Variants in CNTN5 observed in about 807,000 individuals in gnomAD.
CNTN5 encodes contactin 5, also known as contactin-5.
CNTN5 carries 77 observed loss-of-function variants against 129.1 expected under a neutral mutation model. The ratio of observed to expected loss-of-function variants is 0.60; its 90% confidence interval spans 0.50 to 0.72. The LOEUF (loss-of-function observed/expected upper bound fraction) is 0.72. CNTN5 is among the 30% of genes least tolerant of loss of function. CNTN5 has a pLI of 0.00. For missense variants in CNTN5, 1,478 were observed against 1,328.8 expected, an observed-to-expected ratio of 1.11 and a Z score of -1.75; for synonymous variants, 509 against 465.6, an observed-to-expected ratio of 1.09 and a Z score of -1.20.
intron 13 of CNTN5, among the ~76,000 whole-genome samples, chr11:100,190,195 G>T (rs1948435462): frequency 6.6e-6 from 1 of 152,020 alleles, no homozygotes; most frequent in Non-Finnish European, 1.5e-5. Flanking sequence ...CCAATTTTAG[G>T]ATTTTAGGAT....
rs369278749 is a variant in CNTN5, at chr11:100,135,783, G to C, written c.1581-55343G>C. 1.1e-4 allele frequency among the ~76,000 whole-genome samples: 16 copies of C among 152,138 alleles called. No individual in the cohort carries two copies. The East Asian group carries it at 3.1e-3, about 30-fold the overall frequency. ...TATGGCTATGGTCACACCTGTAGTT[G>C]CTGGTATTATTTTGTAATTCTTTCA... On this transcript the variant is annotated intron_variant, in intron 13 of 24. Transcript: ENST00000524871.
At chr11:100,351,657 TAAAA>T (rs60798966) in intron 24 of CNTN5, among the ~76,000 whole-genome samples, 4 of 103,650 alleles carry the variant, frequency 3.9e-5, no homozygotes, top group Non-Finnish European at 8.4e-5. Flanking sequence ...GTAGAGATAG[TAAAA>T]AAAAAAAAAA....
intron 1 of CNTN5, among the ~76,000 whole-genome samples, chr11:99,247,807 C>G (rs1256236327): frequency 6.6e-6 from 1 of 152,080 alleles, no homozygotes; most frequent in Non-Finnish European, 1.5e-5. Context: ...TTTTTTATGG[C>G]TGCATGGTAT....
intron 1 of CNTN5, among the ~76,000 whole-genome samples, chr11:99,204,536 G>C (rs909530084): frequency 6.6e-6 from 1 of 152,096 alleles, no homozygotes; most frequent in African/African-American, 2.4e-5. Context: ...TAGGGAAAAT[G>C]ATAACTTTCT....
chr11:99,349,925 TC>T, intron 2 of CNTN5, among the ~76,000 whole-genome samples: 1 of 152,368 alleles, frequency 6.6e-6, no homozygotes. Flanking sequence ...GTTGTCATTT[TC>T]TTTTCATTTT....
At chr11:99,311,900 G>A (rs1865130408) in intron 1 of CNTN5, among the ~76,000 whole-genome samples, 1 of 152,044 alleles carries the variant, frequency 6.6e-6, no homozygotes, top group East Asian at 1.9e-4. Flanking sequence ...TTACTTTTAG[G>A]CCTGTTTACT....
intron 20 of CNTN5, among the ~76,000 whole-genome samples, chr11:100,304,498 GA>G (rs750749138): frequency 1.3e-4 from 20 of 151,554 alleles, no homozygotes; most frequent in Non-Finnish European, 1.6e-4. Context: ...AGTGAAACAG[GA>G]ATCAAAGGAG....
chr11:99,565,254 G>A lies in CNTN5; in HGVS notation c.55+8985G>A, dbSNP rs75217625. 4.2e-3 allele frequency among the ~76,000 whole-genome samples: 638 copies of A among 152,170 alleles called. 27 individuals are homozygous for A. In the East Asian group the frequency reaches 0.097, roughly 23 times the overall value. On this transcript the variant is annotated intron_variant, in intron 3 of 24. Transcript: ENST00000524871. Reference sequence around the variant, plus strand: ...CTCTCCTCCCAAGGGCACTTTCTGTGGAAGTGCCCTTATCTGACTGAGGAA... The same window carrying A: ...CTCTCCTCCCAAGGGCACTTTCTGTAGAAGTGCCCTTATCTGACTGAGGAA...
At chr11:99,784,799 T>TG (rs1945454639) in intron 3 of CNTN5, among the ~76,000 whole-genome samples, 1 of 144,868 alleles carries the variant, frequency 6.9e-6, no homozygotes, top group South Asian at 2.2e-4. Flanking sequence ...CATTGTGTTT[T>TG]TTTTTTTTTT....
chr11:99,627,207 A>C (rs1261909978), intron 3 of CNTN5, among the ~76,000 whole-genome samples: 1 of 152,154 alleles, frequency 6.6e-6, no homozygotes, highest in Non-Finnish European at 1.5e-5. Flanking sequence ...GTGAATGACT[A>C]GATTCTAGCA....
intron 3 of CNTN5, among the ~76,000 whole-genome samples, chr11:99,671,331 C>T (rs1953035032): frequency 6.6e-6 from 1 of 151,982 alleles, no homozygotes; most frequent in African/African-American, 2.4e-5. Context: ...ATATTTACGA[C>T]AAAAAGAATA....
At chr11:99,490,193 T>A (rs1945980962) in intron 2 of CNTN5, among the ~76,000 whole-genome samples, 1 of 152,170 alleles carries the variant, frequency 6.6e-6, no homozygotes, top group Non-Finnish European at 1.5e-5. Context: ...GTCTTAATAA[T>A]ATTATAAGAA....
intron 3 of CNTN5, among the ~76,000 whole-genome samples, chr11:99,809,216 T>C (rs1377971051): frequency 6.6e-6 from 1 of 152,164 alleles, no homozygotes; most frequent in African/African-American, 2.4e-5. Context: ...AATTCACTTA[T>C]AGCCCCAATT....
chr11:99,784,830 T>C (rs527886740), intron 3 of CNTN5, among the ~76,000 whole-genome samples: 2 of 146,268 alleles, frequency 1.4e-5, no homozygotes, highest in Admixed American at 6.9e-5. Flanking sequence ...GATGGGGTCT[T>C]GCTTTGTTGC....
intron 13 of CNTN5, among the ~76,000 whole-genome samples, chr11:100,087,514 G>A (rs2137970584): frequency 6.6e-6 from 1 of 151,794 alleles, no homozygotes; most frequent in East Asian, 1.9e-4. Flanking sequence ...AAAAACACAA[G>A]CCAATCACCC....
At chr11:99,221,368 A>G (rs1860388608) in intron 1 of CNTN5, among the ~76,000 whole-genome samples, 1 of 151,936 alleles carries the variant, frequency 6.6e-6, no homozygotes, top group South Asian at 2.1e-4. Flanking sequence ...TTTCCTTTAA[A>G]GTCCTATACT....
At chr11:99,687,647 A>G (rs1162475879) in intron 3 of CNTN5, among the ~76,000 whole-genome samples, 1 of 152,188 alleles carries the variant, frequency 6.6e-6, no homozygotes, top group African/African-American at 2.4e-5. Context: ...GGCTTTATGA[A>G]AATGAATACT....
chr11:99,938,668 T>C (rs983822300), intron 7 of CNTN5, among the ~76,000 whole-genome samples: 6 of 152,142 alleles, frequency 3.9e-5, no homozygotes, highest in African/African-American at 7.2e-5. Context: ...CTAAAAGATA[T>C]TCTAAACTAA....
chr11:99,968,514 A>C lies in CNTN5; in HGVS notation c.877+11505A>C, dbSNP rs936328520. On this transcript the variant is annotated intron_variant, in intron 8 of 24. Coordinates refer to ENST00000524871, the MANE Select transcript of CNTN5 (RefSeq NM_014361.4). ...AGGTAATTTGTCTGAGACAAAGCAC[A>C]GAGAGAATGGATCTCATGTTGTCCT... 2.6e-5 allele frequency among the ~76,000 whole-genome samples: 4 copies of C among 152,046 alleles called. No homozygotes were observed. The East Asian group carries it at 7.7e-4, about 29-fold the overall frequency.
Sources: gnomAD v4.1 joint callset for allele counts (sites outside exome capture counted in the v4.1 genomes callset) on GRCh38, gnomAD v4.1.1 for gene constraint, MANE v1.5 for transcripts, NCBI Gene and HGNC (gene_info 2026-07-23, HGNC 2026-07-21) for gene names.